Variants in EDA observed in about 807,000 individuals in gnomAD.
EDA encodes ectodysplasin A.
Under a neutral mutation model 23.6 loss-of-function variants are expected in EDA, and 2 were observed. That is an observed-to-expected ratio of 0.08 (90% CI 0.03 to 0.27). The LOEUF is 0.27. Ranked by LOEUF, EDA falls within the 10% of genes least tolerant of loss-of-function variation. EDA has a pLI of 1.00. For missense variants in EDA, 229 were observed against 324.2 expected (o/e 0.71, Z 2.26); for synonymous variants, 131 against 132.0 (o/e 0.99, Z 0.05).
chrX:69,771,103 C>T (rs1261268889), intron 1 of EDA, among the ~76,000 whole-genome samples: 2 of 110,769 alleles, frequency 1.8e-5, no homozygotes, highest in Admixed American at 9.6e-5. Flanking sequence ...TGTGGCCAGG[C>T]TGGAGTGCAG....
chrX:69,681,931 T>A (rs2147284577), intron 1 of EDA, among the ~76,000 whole-genome samples: 1 of 110,583 alleles, frequency 9.0e-6, no homozygotes, highest in South Asian at 3.9e-4. Context: ...TTCTGCTCTG[T>A]TTTTTCCCCA....
intron 1 of EDA, among the ~76,000 whole-genome samples, chrX:69,633,226 A>T (rs949180205): frequency 1.8e-4 from 20 of 111,871 alleles, no homozygotes; most frequent in Non-Finnish European, 3.4e-4. Flanking sequence ...TATTATTTAA[A>T]ATTTTTGATA....
intron 2 of EDA, among the ~76,000 whole-genome samples, chrX:69,997,614 G>T (rs2019677725): frequency 8.9e-6 from 1 of 112,809 alleles, no homozygotes; most frequent in Non-Finnish European, 1.9e-5. Context: ...AAGACAATGG[G>T]GAAAATGTCT....
At chrX:69,690,580 A>G (rs1458246791) in intron 1 of EDA, among the ~76,000 whole-genome samples, 1 of 111,562 alleles carries the variant, frequency 9.0e-6, no homozygotes, top group African/African-American at 3.3e-5. Context: ...TTCATAAGAT[A>G]TATTGGTCTA....
chrX:69,718,793 T>C lies in EDA; in HGVS notation c.396+102089T>C, dbSNP rs367975365. 1.8e-4 allele frequency among the ~76,000 whole-genome samples: 20 copies of C among 111,748 alleles called. No individual in the cohort carries two copies. In the East Asian group the frequency reaches 3.9e-3, roughly 22 times the overall value. ...ATATTTTCTTTGTCTGGTTTTGGTA[T>C]GAAGATAACACTACCCTTATAAAAT... On this transcript the variant is annotated intron_variant, in intron 1 of 7. Transcript: ENST00000374552.
chrX:69,988,780 C>T (rs768071576), intron 2 of EDA, among the ~76,000 whole-genome samples: 2 of 110,851 alleles, frequency 1.8e-5, no homozygotes, highest in Admixed American at 1.9e-4. Context: ...TGCTTGAACC[C>T]GGGAGGTGGC....
At chrX:69,618,927 A>T (rs756217965) in intron 1 of EDA, among the ~76,000 whole-genome samples, 30 of 112,163 alleles carry the variant, frequency 2.7e-4, no homozygotes, top group African/African-American at 7.1e-4. Flanking sequence ...ATAACTTTTT[A>T]AAAAAGTTGA....
chrX:69,625,857 C>T (rs1484644860), intron 1 of EDA, among the ~76,000 whole-genome samples: 1 of 101,928 alleles, frequency 9.8e-6, no homozygotes, highest in Non-Finnish European at 2.0e-5. Context: ...CAAAAGAAAA[C>T]CTTGAAAAAT....
intron 2 of EDA, among the ~76,000 whole-genome samples, chrX:69,978,883 C>G (rs1248478096): frequency 2.7e-5 from 3 of 111,423 alleles, no homozygotes; most frequent in African/African-American, 9.8e-5. Flanking sequence ...TACTTCATTC[C>G]TTTTTTATCA....
At chrX:70,023,462 T>C (rs1374255441) in intron 3 of EDA, among the ~76,000 whole-genome samples, 1 of 101,976 alleles carries the variant, frequency 9.8e-6, no homozygotes, top group Non-Finnish European at 2.0e-5. Context: ...TTCTTCTCCC[T>C]GCCCTTCTTT....
chrX:69,690,571 T>C (rs1013719015), intron 1 of EDA, among the ~76,000 whole-genome samples: 2 of 111,905 alleles, frequency 1.8e-5, no homozygotes, highest in African/African-American at 6.5e-5. Flanking sequence ...ATGACTATAT[T>C]CATAAGATAT....
At position 69,791,179 on chromosome X, in the gene EDA, GTT is replaced by G. The variant is rs1378426676; in HGVS notation, c.397-165846_397-165845del. Among the ~76,000 whole-genome samples the G allele has an allele frequency of 3.6e-5, 4 of 111,702 alleles. No individual in the cohort carries two copies. The South Asian group carries it at 1.5e-3, about 42-fold the overall frequency. On this transcript the variant is annotated intron_variant, in intron 1 of 7. Coordinates refer to ENST00000374552, the MANE Select transcript of EDA (RefSeq NM_001399.5). ...TGGTCATTTTTTAAACAAAATTTGA[GTT>G]TATGAAGTTAGAAAATAAATTATAC...
At chrX:69,757,290 G>A (rs2014152280) in intron 1 of EDA, among the ~76,000 whole-genome samples, 1 of 111,516 alleles carries the variant, frequency 9.0e-6, no homozygotes, top group African/African-American at 3.3e-5. Context: ...TAAAGGGGGT[G>A]CTGCAAATAA....
intron 1 of EDA, among the ~76,000 whole-genome samples, chrX:69,775,566 A>C (rs1218713246): frequency 9.0e-6 from 1 of 111,585 alleles, no homozygotes; most frequent in Non-Finnish European, 1.9e-5. Context: ...AAGCTTATAC[A>C]GTGACTCCAG....
chrX:69,812,391 A>G (rs1223895664), intron 1 of EDA, among the ~76,000 whole-genome samples: 2 of 112,871 alleles, frequency 1.8e-5, no homozygotes, highest in Non-Finnish European at 3.7e-5. Context: ...ACAGAAGCTG[A>G]GACCTCTGGT....
chrX:69,617,737 A>G (rs1334127894), intron 1 of EDA: 1 of 357,937 alleles, frequency 2.8e-6, no homozygotes, highest in Non-Finnish European at 5.4e-6. Context: ...CTTAGGGAAG[A>G]GAGCAAGTTG....
At chrX:69,757,913 GCT>G (rs1011583856) in intron 1 of EDA, among the ~76,000 whole-genome samples, 2 of 112,169 alleles carry the variant, frequency 1.8e-5, no homozygotes, top group African/African-American at 6.5e-5. Context: ...TTTGTACAAA[GCT>G]CCCCACATGG....
chrX:69,783,573 T>G (rs2015031792), intron 1 of EDA, among the ~76,000 whole-genome samples: 1 of 110,599 alleles, frequency 9.0e-6, no homozygotes, highest in Non-Finnish European at 1.9e-5. Flanking sequence ...TTACTGAGAA[T>G]GATGATTTCC....
intron 1 of EDA, among the ~76,000 whole-genome samples, chrX:69,942,472 T>C (rs1367811349): frequency 2.7e-5 from 3 of 111,296 alleles, no homozygotes; most frequent in Non-Finnish European, 5.7e-5. Flanking sequence ...TATTCTAGGG[T>C]AAAAGGTGTT....
Sources: allele counts gnomAD v4.1 joint callset (sites outside exome capture counted in the v4.1 genomes callset), GRCh38; gene constraint gnomAD v4.1.1; transcripts MANE v1.5; gene names NCBI Gene and HGNC (gene_info 2026-07-23, HGNC 2026-07-21).